DCTN4: variants seen among roughly 807,000 people sequenced by gnomAD.
DCTN4 encodes dynactin subunit 4.
A neutral mutation model predicts 62.7 loss-of-function variants in DCTN4; 23 were observed. The observed-to-expected ratio is 0.37, with a 90% confidence interval of 0.26 to 0.52. DCTN4 has a LOEUF of 0.52. Ranked by LOEUF, DCTN4 falls within the 20% of genes least tolerant of loss-of-function variation. The pLI is 0.92. For missense variants in DCTN4, 514 were observed against 580.4 expected (o/e 0.89, Z 1.18); for synonymous variants, 199 against 202.1 (o/e 0.98, Z 0.13).
In DCTN4 at chr5:150,711,147, T is replaced by C; in HGVS notation, c.*2A>G. On this transcript the variant is annotated 3_prime_UTR_variant, in exon 13 of 13. Transcript: ENST00000447998. ...TTGGGATCTGCCCTCCAGTGGAACC[T>C]TTTAAGGAAGAAGTGGGCCCAAGCT... The C allele has an allele frequency of 6.2e-7, 1 of 1,611,896 alleles. No individual in the cohort carries two copies.
chr5:150,741,157 C>T (rs371889774), intron 4 of DCTN4, among the ~76,000 whole-genome samples: 80 of 128,590 alleles, frequency 6.2e-4, no homozygotes, highest in African/African-American at 2.9e-3. Context: ...AGAGTGAGAT[C>T]CTGTCTCAAA....
chr5:150,755,433 C>T (rs1752823473), intron 2 of DCTN4: 1 of 425,968 alleles, frequency 2.3e-6, no homozygotes, highest in South Asian at 1.7e-5. Context: ...AGAAACCTGA[C>T]AAACACTAGC....
At chr5:150,734,147 C>T (rs1339309918) in intron 4 of DCTN4, 1 of 152,168 alleles carries the variant, frequency 6.6e-6, no homozygotes, top group African/African-American at 2.4e-5. Context: ...GCAGCTTCCC[C>T]TCAGACAGAC....
At chr5:150,726,977 G>A (rs1406913716) in intron 8 of DCTN4, among the ~76,000 whole-genome samples, 1 of 152,098 alleles carries the variant, frequency 6.6e-6, no homozygotes, top group Non-Finnish European at 1.5e-5. Flanking sequence ...TTGAAATTAT[G>A]CAAATGATGT....
chr5:150,752,994 G>T (rs918115255), intron 3 of DCTN4, among the ~76,000 whole-genome samples: 2 of 151,976 alleles, frequency 1.3e-5, no homozygotes, highest in Non-Finnish European at 2.9e-5. Context: ...AGCCTCCCGA[G>T]TAGCTGGGAC....
chr5:150,734,728 C>T (rs1241453010), intron 4 of DCTN4, among the ~76,000 whole-genome samples: 2 of 152,216 alleles, frequency 1.3e-5, no homozygotes, highest in Non-Finnish European at 2.9e-5. Flanking sequence ...AAAAGGCTAG[C>T]TTGCTTTTTC....
chr5:150,751,562 T>G (rs912942669), intron 3 of DCTN4, among the ~76,000 whole-genome samples: 6 of 152,128 alleles, frequency 3.9e-5, no homozygotes, highest in Admixed American at 2.6e-4. Context: ...TGAGGTTGCT[T>G]TTTAACATTT....
intron 3 of DCTN4, among the ~76,000 whole-genome samples, chr5:150,752,584 G>T (rs1433024): frequency 6.6e-6 from 1 of 152,034 alleles, no homozygotes; most frequent in Non-Finnish European, 1.5e-5. Context: ...ATTCTCCTAT[G>T]TTCTAGCCAA....
At chr5:150,756,200 C>A (rs1297382749) in intron 2 of DCTN4, among the ~76,000 whole-genome samples, 1 of 151,984 alleles carries the variant, frequency 6.6e-6, no homozygotes, top group African/African-American at 2.4e-5. Flanking sequence ...TGCCACCACA[C>A]CTAGCTAATT....
chr5:150,724,348 A>T (rs1008866234), intron 8 of DCTN4, among the ~76,000 whole-genome samples: 11 of 152,130 alleles, frequency 7.2e-5, no homozygotes, highest in African/African-American at 2.6e-4. Context: ...AATAGATTTT[A>T]ATCTCTTGTT....
At chr5:150,727,717 A>C (rs1760201220) in intron 8 of DCTN4, among the ~76,000 whole-genome samples, 1 of 139,624 alleles carries the variant, frequency 7.2e-6, no homozygotes, top group African/African-American at 2.7e-5. Context: ...CGGAGCTTGC[A>C]GTGAGCCGAG....
intron 8 of DCTN4, among the ~76,000 whole-genome samples, chr5:150,727,775 C>CAAAAA (rs11292193): frequency 1.5e-4 from 12 of 82,370 alleles, no homozygotes; most frequent in East Asian, 4.0e-4. Flanking sequence ...GACTCCGTCT[C>CAAAAA]AAAAAAAAAA....
intron 8 of DCTN4, among the ~76,000 whole-genome samples, chr5:150,727,644 C>G (rs543903190): frequency 6.6e-6 from 1 of 151,470 alleles, no homozygotes; most frequent in Non-Finnish European, 1.5e-5. Context: ...GGCGTGGTGG[C>G]GGGCGCCTGT....
In DCTN4 at chr5:150,709,760, C is replaced by T. The variant is rs1031444786; in HGVS notation, c.*1389G>A. The T allele has an allele frequency of 6.6e-6, 1 of 152,294 alleles. No individual in the cohort carries two copies. The highest frequency in any genetic ancestry group is 1.5e-5 in the Non-Finnish European group (1 of 68,030). 9.4% of individuals were successfully genotyped at this position (152,294 alleles called of 1,614,324 possible). ...CAAGGGAAGCTTACAAGGACTATGT[C>T]CCATCTGTATTCTACATTATAATGT... On this transcript the variant is annotated 3_prime_UTR_variant, in exon 13 of 13. Coordinates refer to ENST00000447998, the MANE Select transcript of DCTN4 (RefSeq NM_016221.4).
intron 8 of DCTN4, among the ~76,000 whole-genome samples, chr5:150,725,297 G>A (rs1760103160): frequency 6.6e-6 from 1 of 151,686 alleles, no homozygotes; most frequent in South Asian, 2.1e-4. Context: ...TCCTAAAAGT[G>A]AAGTTGATGA....
chr5:150,730,091 C>T (rs1760303981), intron 8 of DCTN4, among the ~76,000 whole-genome samples: 1 of 152,176 alleles, frequency 6.6e-6, no homozygotes, highest in Non-Finnish European at 1.5e-5. Flanking sequence ...GCTCAAGAGC[C>T]ACATGTGCCT....
At chr5:150,752,659 TGAC>T (rs1355023038) in intron 3 of DCTN4, among the ~76,000 whole-genome samples, 5 of 152,308 alleles carry the variant, frequency 3.3e-5, no homozygotes, top group African/African-American at 1.2e-4. Flanking sequence ...TGCATTTACA[TGAC>T]TACTAGGGAA....
At position 150,756,505 on chromosome 5, in the gene DCTN4, A is replaced by AG; in HGVS notation, c.136-19dup. On this transcript the variant is annotated intron_variant, in intron 1 of 12. Coordinates refer to ENST00000447998, the MANE Select transcript of DCTN4 (RefSeq NM_016221.4). ...GAGTCCACCTAGGAGGAAACAAGAA[A>AG]GAAAAAAAAAACCAGAGGAGAACTC... is the stretch of plus-strand genomic sequence containing the variant. The AG allele has an allele frequency of 6.5e-7, 1 of 1,542,476 alleles. No individual in the cohort carries two copies. Among genetic ancestry groups the AG allele is most frequent in the Non-Finnish European group, 8.8e-7 (1 of 1,137,106 alleles).
chr5:150,748,878 G>A (rs981670618), intron 3 of DCTN4, among the ~76,000 whole-genome samples: 2 of 150,264 alleles, frequency 1.3e-5, no homozygotes, highest in African/African-American at 4.9e-5. Flanking sequence ...CATGGCACAT[G>A]TATACATATG....
Sources: gnomAD v4.1 joint callset for allele counts (sites outside exome capture counted in the v4.1 genomes callset) on GRCh38, gnomAD v4.1.1 for gene constraint, MANE v1.5 for transcripts, NCBI Gene and HGNC (gene_info 2026-07-23, HGNC 2026-07-21) for gene names.